The following NAALADL2 variants were observed in gnomAD, a reference collection of about 807,000 sequenced individuals.
NAALADL2 encodes inactive N-acetylated-alpha-linked acidic dipeptidase-like protein 2.
In NAALADL2, 76 loss-of-function variants were observed where a neutral mutation model predicts 87.2. The ratio of observed to expected loss-of-function variants is 0.87; its 90% CI spans 0.72 to 1.05. NAALADL2 has a LOEUF of 1.05. NAALADL2 is among the 50% of genes least tolerant of loss of function. The probability of loss-of-function intolerance (pLI) is 0.00; values close to 1 mark genes in which losing one functional copy is unlikely to be tolerated. For missense variants in NAALADL2, 1,089 were observed against 945.8 expected, an observed-to-expected ratio of 1.15 and a Z score of -1.99; for synonymous variants, 354 against 331.0, an observed-to-expected ratio of 1.07 and a Z score of -0.75.
chr3:175,795,004 C>T (rs954661291), intron 13 of NAALADL2, among the ~76,000 whole-genome samples: 2 of 152,228 alleles, frequency 1.3e-5, no homozygotes, highest in South Asian at 2.1e-4. Context: ...CATGGTAGAG[C>T]GAGGAAGCTC....
rs74726053 is a variant in NAALADL2 at position 174,921,903 on chromosome 3, G to A, written c.43+62453G>A. 7.5e-3 allele frequency among the ~76,000 whole-genome samples: 1,133 copies of A among 151,230 alleles called. 8 individuals carry two copies. The highest frequency in any genetic ancestry group is 0.034 in the South Asian group (165 of 4,792). Reference sequence around the variant, plus strand: ...TTTGGCAGGAAAATACTTTTACCCAGAATGTTTGCACATAGATTGGAGCTC... The same window carrying A: ...TTTGGCAGGAAAATACTTTTACCCAAAATGTTTGCACATAGATTGGAGCTC... On this transcript the variant is annotated intron_variant, in intron 1 of 13. Transcript: ENST00000454872.
chr3:175,453,313 C>A (rs78565046), intron 6 of NAALADL2, among the ~76,000 whole-genome samples: 4 of 152,042 alleles, frequency 2.6e-5, no homozygotes, highest in African/African-American at 4.8e-5. Flanking sequence ...AAAACTTGCA[C>A]GGATTCCTCA....
chr3:174,987,588 AAAAAAAAAAAC>A (rs1445973191), intron 1 of NAALADL2, among the ~76,000 whole-genome samples: 2 of 141,938 alleles, frequency 1.4e-5, no homozygotes, highest in Admixed American at 6.9e-5. Flanking sequence ...AAAAAAAAAA[AAAAAAAAAAAC>A]AATACTCATC....
chr3:175,666,332 T>C lies in NAALADL2; in HGVS notation c.1896+38946T>C, dbSNP rs190439630. 1.6e-3 allele frequency among the ~76,000 whole-genome samples: 250 copies of C among 152,272 alleles called. 2 individuals carry two copies. Among genetic ancestry groups the C allele is most frequent in the Middle Eastern group, 3.4e-3 (1 of 294 alleles). On this transcript the variant is annotated intron_variant, in intron 11 of 13. Transcript: ENST00000454872. Reference sequence around the variant, plus strand: ...ATGAGAACTCAGGTTCCTAGAGTCATCAATCAAATACCCTTTATAGAATAA... The same window carrying C: ...ATGAGAACTCAGGTTCCTAGAGTCACCAATCAAATACCCTTTATAGAATAA...
intron 9 of NAALADL2, among the ~76,000 whole-genome samples, chr3:175,560,096 A>G (rs1273723774): frequency 6.6e-6 from 1 of 152,064 alleles, no homozygotes; most frequent in Non-Finnish European, 1.5e-5. Flanking sequence ...ACATTTTTTT[A>G]TTACAGTTTT....
At chr3:174,514,008 A>G (rs901116653) in intron 1 of NAALADL2, among the ~76,000 whole-genome samples, 12 of 151,924 alleles carry the variant, frequency 7.9e-5, no homozygotes, top group African/African-American at 2.9e-4. Flanking sequence ...ATTTTTGATC[A>G]TTTATGATGC....
At chr3:175,272,301 CAAAG>C (rs1218863891) in intron 4 of NAALADL2, among the ~76,000 whole-genome samples, 5 of 152,048 alleles carry the variant, frequency 3.3e-5, no homozygotes, top group Non-Finnish European at 5.9e-5. Flanking sequence ...TTAAAAGAAA[CAAAG>C]AAAATTTTGT....
Position 175,286,428 on chromosome 3 carries a change from C to G in NAALADL2, c.939+29898C>G, listed in dbSNP as rs145517314. Among the ~76,000 whole-genome samples the G allele has an allele frequency of 2.3e-3, 354 of 152,268 alleles. 1 individual carries two copies. Among genetic ancestry groups the G allele is most frequent in the African/African-American group, 8.2e-3 (340 of 41,568 alleles). ...ATTAGCATAGGCACCTGTTTAAGGC[C>G]TTGGCATTTACCCAGAAAGTGAGAA... On this transcript the variant is annotated intron_variant, in intron 4 of 13. Transcript: ENST00000454872.
At chr3:175,730,818 G>A (rs909909503) in intron 11 of NAALADL2, among the ~76,000 whole-genome samples, 6 of 152,002 alleles carry the variant, frequency 3.9e-5, no homozygotes, top group African/African-American at 4.8e-5. Context: ...GAGAATAATG[G>A]AAAAGGAAAG....
At chr3:174,477,738 A>C (rs921630534) in intron 1 of NAALADL2, among the ~76,000 whole-genome samples, 1 of 152,222 alleles carries the variant, frequency 6.6e-6, no homozygotes, top group African/African-American at 2.4e-5. Flanking sequence ...ACCCACACAT[A>C]GATTTCCTCT....
chr3:175,604,584 G>A (rs9829289), intron 10 of NAALADL2, among the ~76,000 whole-genome samples: 2,639 of 152,124 alleles, frequency 0.017, 70 homozygotes, highest in Admixed American at 0.065. Flanking sequence ...GATTCCAGGC[G>A]TGAGGCACCA....
At chr3:175,719,116 G>A (rs1741837635) in intron 11 of NAALADL2, among the ~76,000 whole-genome samples, 1 of 151,904 alleles carries the variant, frequency 6.6e-6, no homozygotes, top group African/African-American at 2.4e-5. Context: ...AGAAGGTCTT[G>A]GTTAAAATAA....
At chr3:175,593,309 C>T (rs1395525662) in intron 10 of NAALADL2, among the ~76,000 whole-genome samples, 1 of 152,112 alleles carries the variant, frequency 6.6e-6, no homozygotes, top group Non-Finnish European at 1.5e-5. Flanking sequence ...AACGTCTAAG[C>T]AGGTAATGCC....
intron 2 of NAALADL2, among the ~76,000 whole-genome samples, chr3:174,715,116 T>G (rs150774716): frequency 7.9e-4 from 121 of 152,334 alleles, no homozygotes; most frequent in African/African-American, 2.8e-3. Context: ...TCGGCTTTTA[T>G]ATATGATTGC....
At chr3:174,875,768 T>C (rs1360302142) in intron 1 of NAALADL2, among the ~76,000 whole-genome samples, 3 of 151,360 alleles carry the variant, frequency 2.0e-5, no homozygotes, top group African/African-American at 7.2e-5. Context: ...CATAAGCATT[T>C]AAAAGCAGTC....
intron 2 of NAALADL2, among the ~76,000 whole-genome samples, chr3:174,707,549 G>A (rs868096146): frequency 4.0e-5 from 6 of 150,182 alleles, no homozygotes; most frequent in African/African-American, 1.5e-4. Context: ...TGCAAGGACA[G>A]AAAACCAAAC....
At chr3:174,471,970 A>G (rs913778659) in intron 1 of NAALADL2, among the ~76,000 whole-genome samples, 4 of 152,266 alleles carry the variant, frequency 2.6e-5, no homozygotes, top group African/African-American at 9.6e-5. Flanking sequence ...CTCACAAATC[A>G]TCTAAATAAT....
intron 7 of NAALADL2, among the ~76,000 whole-genome samples, chr3:175,464,886 G>A (rs147277008): frequency 4.5e-4 from 68 of 152,186 alleles, no homozygotes; most frequent in African/African-American, 1.6e-3. Context: ...CTCAATTGAA[G>A]CACTAGAATA....
intron 1 of NAALADL2, among the ~76,000 whole-genome samples, chr3:174,867,357 T>C (rs1016938856): frequency 6.6e-6 from 1 of 152,020 alleles, no homozygotes; most frequent in African/African-American, 2.4e-5. Context: ...AGTTATCAGA[T>C]TAAATATCAT....
Sources: allele counts gnomAD v4.1 joint callset (sites outside exome capture counted in the v4.1 genomes callset), GRCh38; gene constraint gnomAD v4.1.1; transcripts MANE v1.5; gene names NCBI Gene and HGNC (gene_info 2026-07-23, HGNC 2026-07-21).